Variants in CADM2 observed in about 807,000 individuals in gnomAD.
CADM2 encodes immunoglobulin superfamily member 4D.
A neutral mutation model predicts 49.8 loss-of-function variants in CADM2; 12 were observed. That is an observed-to-expected ratio of 0.24 (90% CI 0.15 to 0.39). CADM2 has a LOEUF of 0.39. Ranked by LOEUF, CADM2 falls within the 10% of genes least tolerant of loss-of-function variation. CADM2 has a pLI of 1.00. For missense variants in CADM2, 378 were observed against 492.3 expected (o/e 0.77, Z 2.20); for synonymous variants, 214 against 175.4 (o/e 1.22, Z -1.74).
rs553202436 is a variant in CADM2, at chr3:86,039,584, T to G, written c.971-26021T>G. 8.9e-4 allele frequency among the ~76,000 whole-genome samples: 136 copies of G among 152,210 alleles called. 1 individual carries two copies. Among genetic ancestry groups the G allele is most frequent in the Non-Finnish European group, 8.5e-4 (58 of 67,996 alleles). On this transcript the variant is annotated intron_variant, in intron 8 of 9. Transcript: ENST00000383699. ...CTTCAGTAGGTAAACAAAGCAACCT[T>G]GAAGCTCGAATTGGGTGGAGCCCAC... is the stretch of plus-strand genomic sequence containing the variant.
At chr3:85,621,401 G>A (rs188757293) in intron 1 of CADM2, among the ~76,000 whole-genome samples, 191 of 152,154 alleles carry the variant, frequency 1.3e-3, no homozygotes, top group East Asian at 9.7e-4. Context: ...CTACAGACAC[G>A]TCATATTCCT....
chr3:84,997,391 T>C (rs1399206690), intron 1 of CADM2, among the ~76,000 whole-genome samples: 1 of 152,080 alleles, frequency 6.6e-6, no homozygotes, highest in African/African-American at 2.4e-5. Context: ...CTAGTTTATG[T>C]ATTACTTGAA....
intron 3 of CADM2, among the ~76,000 whole-genome samples, chr3:85,860,359 G>C: frequency 6.6e-6 from 1 of 152,126 alleles, no homozygotes; most frequent in South Asian, 2.1e-4. Context: ...TAGGTAATAT[G>C]TATTTACATT....
chr3:85,704,230 A>T (rs748402475), intron 1 of CADM2, among the ~76,000 whole-genome samples: 1 of 152,220 alleles, frequency 6.6e-6, no homozygotes, highest in Non-Finnish European at 1.5e-5. Context: ...TGGGTCCCCA[A>T]CAGAGAGCAG....
chr3:84,990,167 G>A (rs564790355), intron 1 of CADM2, among the ~76,000 whole-genome samples: 1 of 151,742 alleles, frequency 6.6e-6, no homozygotes, highest in South Asian at 2.1e-4. Flanking sequence ...AAGATTTCAT[G>A]TAAATGAGTG....
At chr3:85,945,149 C>A (rs1044745057) in intron 7 of CADM2, among the ~76,000 whole-genome samples, 8 of 152,100 alleles carry the variant, frequency 5.3e-5, no homozygotes, top group Admixed American at 4.6e-4. Flanking sequence ...TCTATAAACA[C>A]CTCTACGCAA....
At chr3:85,711,312 T>C (rs2067110571) in intron 1 of CADM2, among the ~76,000 whole-genome samples, 1 of 152,128 alleles carries the variant, frequency 6.6e-6, no homozygotes, top group African/African-American at 2.4e-5. Flanking sequence ...AGCTGGAGAA[T>C]ATAGAGAAAA....
chr3:85,801,276 C>G (rs1182829568), intron 2 of CADM2, among the ~76,000 whole-genome samples: 1 of 151,996 alleles, frequency 6.6e-6, no homozygotes, highest in East Asian at 1.9e-4. Context: ...AAGAGCAAAA[C>G]CTTGATTACA....
Position 86,071,678 on chromosome 3 carries a change from G to C in CADM2, c.*4895G>C, listed in dbSNP as rs890534404. Reference sequence around the variant, plus strand: ...TATAACAGTGCACTCCCCACCCCCTGGGAAATCTCAAAAGCCAAGTTCTTC... The same window carrying C: ...TATAACAGTGCACTCCCCACCCCCTCGGAAATCTCAAAAGCCAAGTTCTTC... On this transcript the variant is annotated 3_prime_UTR_variant, in exon 10 of 10. Coordinates refer to ENST00000383699, the MANE Select transcript of CADM2 (RefSeq NM_001167675.2). 1 of 151,794 alleles carries C rather than the reference G, an allele frequency of 6.6e-6. No homozygotes were observed. The highest frequency in any genetic ancestry group is 1.5e-5 in the Non-Finnish European group (1 of 67,832). The allele number at this position is 151,794 out of a possible 1,614,324, so 9.4% of individuals were successfully genotyped here. A position where few individuals can be genotyped will look rare whatever the true frequency, so the allele number is the denominator to read the frequency against.
intron 1 of CADM2, among the ~76,000 whole-genome samples, chr3:85,365,051 G>A (rs1168109884): frequency 6.6e-6 from 1 of 151,836 alleles, no homozygotes. Context: ...TAGTTTTTAT[G>A]AATGAATGCT....
rs141647734 is a variant in CADM2 at position 85,496,886 on chromosome 3, C to G, written c.62-229636C>G. ...TTTAGATGGAGTCTTGCTCTGTTGC[C>G]AGGCTGGAGTGCAATGGCGCCATCT... On this transcript the variant is annotated intron_variant, in intron 1 of 9. Transcript: ENST00000383699. 8.4e-3 allele frequency among the ~76,000 whole-genome samples: 1,272 copies of G among 152,200 alleles called. 17 individuals are homozygous for G. The highest frequency in any genetic ancestry group is 0.028 in the African/African-American group (1,168 of 41,516).
rs118037065 is a variant in CADM2 at position 84,982,162 on chromosome 3, A to C, written c.61+22494A>C. Among the ~76,000 whole-genome samples, 119 of 152,286 alleles carry C rather than the reference A, an allele frequency of 7.8e-4. No homozygotes were observed. In the East Asian group the frequency reaches 0.017, roughly 22 times the overall value. ...TGGATTTGTTTGACCTTCTGATGTC[A>C]CATTAGAAGGACACTTTCTCAGTGA... On this transcript the variant is annotated intron_variant, in intron 1 of 9. Transcript: ENST00000383699.
At chr3:85,630,894 C>T (rs1055490291) in intron 1 of CADM2, among the ~76,000 whole-genome samples, 5 of 151,968 alleles carry the variant, frequency 3.3e-5, no homozygotes, top group African/African-American at 1.2e-4. Context: ...GCCTAAAACC[C>T]TCTAATAGCT....
intron 1 of CADM2, among the ~76,000 whole-genome samples, chr3:85,038,299 A>G (rs577219802): frequency 6.6e-6 from 1 of 152,348 alleles, no homozygotes; most frequent in African/African-American, 2.4e-5. Context: ...CATACTACAG[A>G]CTGTTTAGTG....
intron 1 of CADM2, among the ~76,000 whole-genome samples, chr3:85,238,733 T>C (rs1367148283): frequency 1.3e-5 from 2 of 151,862 alleles, no homozygotes; most frequent in African/African-American, 4.8e-5. Context: ...CTAAGTTACA[T>C]AGGAAATAAT....
At chr3:85,467,279 A>G (rs1284216442) in intron 1 of CADM2, among the ~76,000 whole-genome samples, 2 of 152,100 alleles carry the variant, frequency 1.3e-5, no homozygotes, top group Non-Finnish European at 2.9e-5. Context: ...TTATATCTAG[A>G]ATTTAGAGTT....
chr3:85,357,736 T>G (rs944403145), intron 1 of CADM2, among the ~76,000 whole-genome samples: 13 of 152,100 alleles, frequency 8.5e-5, no homozygotes, highest in African/African-American at 2.9e-4. Flanking sequence ...AGTGTAAAAC[T>G]TCCATGTCTT....
chr3:85,856,460 C>T (rs2075321487), intron 3 of CADM2, among the ~76,000 whole-genome samples: 1 of 152,176 alleles, frequency 6.6e-6, no homozygotes, highest in Non-Finnish European at 1.5e-5. Flanking sequence ...TGATTGAACA[C>T]TTTTCCCTTA....
At chr3:85,805,467 T>C (rs938911857) in intron 3 of CADM2, 6 of 152,206 alleles carry the variant, frequency 3.9e-5, no homozygotes, top group Admixed American at 3.3e-4. Flanking sequence ...TTCCCTCATA[T>C]GTCAGTGCTT....
Sources: gnomAD v4.1 joint callset for allele counts (sites outside exome capture counted in the v4.1 genomes callset) on GRCh38, gnomAD v4.1.1 for gene constraint, MANE v1.5 for transcripts, NCBI Gene and HGNC (gene_info 2026-07-23, HGNC 2026-07-21) for gene names.